The following FHIT variants were observed in gnomAD, a reference collection of about 807,000 sequenced individuals.
FHIT encodes the protein bis(5'-adenosyl)-triphosphatase.
In FHIT, 19 loss-of-function variants were observed where a neutral mutation model predicts 17.9. That is an observed-to-expected ratio of 1.06 (90% CI 0.74 to 1.56). The LOEUF (loss-of-function observed/expected upper bound fraction) is 1.56. Ranked by LOEUF, FHIT falls within the 40% of genes most tolerant of loss-of-function variation. FHIT has a pLI of 0.00. For missense variants in FHIT, 248 were observed against 189.2 expected (o/e 1.31, Z -1.82); for synonymous variants, 81 against 69.7 (o/e 1.16, Z -0.81).
chr3:61,054,936 C>T (rs1255440194), intron 2 of FHIT, among the ~76,000 whole-genome samples: 1 of 152,204 alleles, frequency 6.6e-6, no homozygotes, highest in Non-Finnish European at 1.5e-5. Flanking sequence ...GCTGCTCTCC[C>T]TGGTTAGGGC....
intron 5 of FHIT, among the ~76,000 whole-genome samples, chr3:60,271,766 T>A (rs1168239861): frequency 6.6e-6 from 1 of 152,182 alleles, no homozygotes; most frequent in Non-Finnish European, 1.5e-5. Flanking sequence ...TAGTTATTCA[T>A]TTTTGCAGAC....
At chr3:61,168,798 G>A (rs1047791928) in intron 2 of FHIT, among the ~76,000 whole-genome samples, 4 of 152,156 alleles carry the variant, frequency 2.6e-5, no homozygotes, top group African/African-American at 7.2e-5. Context: ...TGATCTGGGC[G>A]GATAGTTAAC....
chr3:60,569,578 G>A (rs1012802093), intron 4 of FHIT, among the ~76,000 whole-genome samples: 13 of 151,630 alleles, frequency 8.6e-5, no homozygotes, highest in Admixed American at 5.9e-4. Context: ...AAGCTCTAGT[G>A]TCAGAACGCC....
At chr3:60,665,771 G>A (rs1191867705) in intron 4 of FHIT, among the ~76,000 whole-genome samples, 1 of 151,944 alleles carries the variant, frequency 6.6e-6, no homozygotes, top group Non-Finnish European at 1.5e-5. Context: ...TTACCTTCAA[G>A]GTAACTATTG....
rs1254530976 is a variant in FHIT, at chr3:60,186,487, A to G, written c.104-172335T>C. Among the ~76,000 whole-genome samples, 2 of 152,190 alleles carry G rather than the reference A, an allele frequency of 1.3e-5. 1 individual carries two copies. Among genetic ancestry groups the G allele is most frequent in the Non-Finnish European group, 2.9e-5 (2 of 68,040 alleles). On this transcript the variant is annotated intron_variant, in intron 5 of 9. Coordinates refer to ENST00000492590, the MANE Select transcript of FHIT (RefSeq NM_002012.4). ...TCAGCATTTTCGAAAATCCAAGAAA[A>G]CAGGAAGGTTTAACTTGAAGCCAAG... is the stretch of plus-strand genomic sequence containing the variant.
chr3:61,044,761 ACATCAGACTAACAGCG>A (rs2033700385), intron 2 of FHIT, among the ~76,000 whole-genome samples: 1 of 152,240 alleles, frequency 6.6e-6, no homozygotes, highest in East Asian at 1.9e-4. Context: ...AAAGGGAAGC[ACATCAGACTAACAGCG>A]GATCTCTCAG....
intron 2 of FHIT, among the ~76,000 whole-genome samples, chr3:61,195,904 T>A (rs1386656015): frequency 6.6e-6 from 1 of 152,176 alleles, no homozygotes; most frequent in East Asian, 1.9e-4. Flanking sequence ...CAAATTTTTT[T>A]AAAAGCACAT....
At chr3:59,753,313 G>A (rs574200003) in intron 8 of FHIT, among the ~76,000 whole-genome samples, 4 of 152,182 alleles carry the variant, frequency 2.6e-5, no homozygotes, top group African/African-American at 9.6e-5. Context: ...TTAACAATTT[G>A]TCTCAAAATT....
intron 8 of FHIT, among the ~76,000 whole-genome samples, chr3:59,896,128 C>T (rs557696328): frequency 6.6e-5 from 10 of 152,312 alleles, no homozygotes; most frequent in Admixed American, 3.3e-4. Flanking sequence ...TGCTCATTTA[C>T]GCTTGTACAC....
rs191232429 is a variant in FHIT, at chr3:60,143,995, C to A, written c.104-129843G>T. Among the ~76,000 whole-genome samples the A allele has an allele frequency of 2.4e-4, 37 of 152,212 alleles. 1 individual carries two copies. Among genetic ancestry groups the A allele is most frequent in the Admixed American group, 9.2e-4 (14 of 15,284 alleles). Reference sequence around the variant, plus strand: ...CGGCTTCCAAAGTAACAACACTAGGCATGAAAGTAGCCCATGTGTGGCCCT... The same window carrying A: ...CGGCTTCCAAAGTAACAACACTAGGAATGAAAGTAGCCCATGTGTGGCCCT... On this transcript the variant is annotated intron_variant, in intron 5 of 9. Transcript: ENST00000492590.
At chr3:60,283,728 G>A (rs1008017866) in intron 5 of FHIT, among the ~76,000 whole-genome samples, 19 of 152,078 alleles carry the variant, frequency 1.2e-4, no homozygotes, top group East Asian at 3.8e-4. Context: ...TCAGAAGACT[G>A]TCTTCCTGAC....
chr3:60,575,849 C>T (rs985699861), intron 4 of FHIT, among the ~76,000 whole-genome samples: 2 of 152,098 alleles, frequency 1.3e-5, no homozygotes, highest in Non-Finnish European at 2.9e-5. Flanking sequence ...CAAAGACTAG[C>T]AACGGGAGGA....
chr3:60,229,890 G>A (rs975530161), intron 5 of FHIT, among the ~76,000 whole-genome samples: 1 of 152,178 alleles, frequency 6.6e-6, no homozygotes, highest in African/African-American at 2.4e-5. Flanking sequence ...GCTGTGGCAG[G>A]AGGACAGCTT....
At chr3:60,744,256 AAC>A (rs1315869774) in intron 4 of FHIT, among the ~76,000 whole-genome samples, 5 of 45,708 alleles carry the variant, frequency 1.1e-4, no homozygotes, top group African/African-American at 4.4e-4. Context: ...TAAAAAAAAA[AAC>A]AAAACAAAAC....
At chr3:60,141,990 AG>A (rs1700056127) in intron 5 of FHIT, among the ~76,000 whole-genome samples, 2 of 152,208 alleles carry the variant, frequency 1.3e-5, no homozygotes, top group Admixed American at 1.3e-4. Context: ...CATTTTAATT[AG>A]GCATATTTAT....
intron 2 of FHIT, among the ~76,000 whole-genome samples, chr3:61,148,717 A>G (rs1327150373): frequency 6.6e-6 from 1 of 152,230 alleles, no homozygotes; most frequent in Non-Finnish European, 1.5e-5. Flanking sequence ...TTGAATTAAT[A>G]CAAGGGAAAA....
At chr3:60,610,836 C>A (rs1471249019) in intron 4 of FHIT, among the ~76,000 whole-genome samples, 1 of 152,144 alleles carries the variant, frequency 6.6e-6, no homozygotes, top group Admixed American at 6.6e-5. Flanking sequence ...GTCTGGAGAG[C>A]TTTGCTTTTC....
At chr3:61,172,706 G>C (rs911223698) in intron 2 of FHIT, among the ~76,000 whole-genome samples, 1 of 142,554 alleles carries the variant, frequency 7.0e-6, no homozygotes, top group Non-Finnish European at 1.6e-5. Flanking sequence ...TTACAGATCT[G>C]AGAAGTTGTG....
At chr3:60,102,184 C>T (rs1233950145) in intron 5 of FHIT, among the ~76,000 whole-genome samples, 1 of 152,202 alleles carries the variant, frequency 6.6e-6, no homozygotes, top group Non-Finnish European at 1.5e-5. Flanking sequence ...GTGAGTTTAA[C>T]TAAATTATAA....
Sources: allele counts gnomAD v4.1 joint callset (sites outside exome capture counted in the v4.1 genomes callset), GRCh38; gene constraint gnomAD v4.1.1; transcripts MANE v1.5; gene names NCBI Gene and HGNC (gene_info 2026-07-23, HGNC 2026-07-21).